The following KCNK3 variants were observed in gnomAD, a reference collection of about 807,000 sequenced individuals.
The protein encoded by KCNK3 is potassium channel subfamily K member 3.
Under a neutral mutation model 27.3 loss-of-function variants are expected in KCNK3, and 9 were observed. That is an observed-to-expected ratio of 0.33 (90% CI 0.20 to 0.57). The LOEUF (loss-of-function observed/expected upper bound fraction) is 0.57, where lower values mean the gene tolerates loss of function less well. KCNK3 is among the 20% of genes least tolerant of loss of function. KCNK3 has a pLI of 0.87. For synonymous variants in KCNK3, 278 were observed against 273.8 expected, an observed-to-expected ratio of 1.02 and a Z score of -0.15; for missense variants, 391 against 577.7, an observed-to-expected ratio of 0.68 and a Z score of 3.31.
intron 1 of KCNK3, among the ~76,000 whole-genome samples, chr2:26,710,443 C>A (rs1363859847): frequency 6.6e-6 from 1 of 152,160 alleles, no homozygotes; most frequent in African/African-American, 2.4e-5. Flanking sequence ...GAGTGGTAGC[C>A]AGCAACACCC....
intron 1 of KCNK3, among the ~76,000 whole-genome samples, chr2:26,705,895 G>T (rs1052627385): frequency 6.6e-6 from 1 of 152,118 alleles, no homozygotes; most frequent in Non-Finnish European, 1.5e-5. Flanking sequence ...CAGGTCAGAC[G>T]GCCCTTGTGT....
chr2:26,728,682 C>A lies in KCNK3; in HGVS notation c.*114C>A, dbSNP rs1410387845. 3.4e-6 allele frequency: 3 copies of A among 871,512 alleles called. No homozygotes were observed. The highest frequency in any genetic ancestry group is 3.0e-5 in the South Asian group (1 of 33,742). 54.0% of individuals were successfully genotyped at this position (871,512 alleles called of 1,614,324 possible). Reference sequence around the variant, plus strand: ...GTGGGACCCCGCACAACATCCCTCACCACTCTCCCCCAGCACCCCCATCTC... The same window carrying A: ...GTGGGACCCCGCACAACATCCCTCAACACTCTCCCCCAGCACCCCCATCTC... On this transcript the variant is annotated 3_prime_UTR_variant, in exon 2 of 2. Transcript: ENST00000302909.
chr2:26,711,530 G>A (rs970637148), intron 1 of KCNK3, among the ~76,000 whole-genome samples: 6 of 152,144 alleles, frequency 3.9e-5, no homozygotes, highest in Non-Finnish European at 8.8e-5. Flanking sequence ...GCTGCCTGGA[G>A]TGAAGGGAGG....
intron 1 of KCNK3, among the ~76,000 whole-genome samples, chr2:26,719,677 T>G (rs1210539388): frequency 6.6e-6 from 1 of 152,156 alleles, no homozygotes; most frequent in Non-Finnish European, 1.5e-5. Flanking sequence ...AGATGGAAAG[T>G]GTTTTGAGGT....
intron 1 of KCNK3, among the ~76,000 whole-genome samples, chr2:26,723,820 T>C (rs1049536774): frequency 1.3e-5 from 2 of 152,082 alleles, no homozygotes; most frequent in Non-Finnish European, 2.9e-5. Context: ...GTCCTGGTAG[T>C]TTTCTGAGAG....
intron 1 of KCNK3, among the ~76,000 whole-genome samples, chr2:26,702,461 G>A (rs1670320080): frequency 6.6e-6 from 1 of 152,188 alleles, no homozygotes; most frequent in South Asian, 2.1e-4. Context: ...TATCTGCTGG[G>A]CTATTGTGAG....
At chr2:26,722,684 A>G (rs957290088) in intron 1 of KCNK3, among the ~76,000 whole-genome samples, 5 of 152,240 alleles carry the variant, frequency 3.3e-5, no homozygotes, top group African/African-American at 1.2e-4. Flanking sequence ...AGACTTTCTG[A>G]CTGGCAGATG....
chr2:26,720,840 G>A (rs1286944849), intron 1 of KCNK3, among the ~76,000 whole-genome samples: 5 of 152,152 alleles, frequency 3.3e-5, no homozygotes, highest in Admixed American at 3.3e-4. Flanking sequence ...GCTCTGGCCT[G>A]AAGAGGGACA....
At position 26,732,366 on chromosome 2, in the gene KCNK3, C is replaced by G. The variant is rs1663556399; in HGVS notation, c.*3798C>G. On this transcript the variant is annotated 3_prime_UTR_variant, in exon 2 of 2. Coordinates refer to ENST00000302909, the MANE Select transcript of KCNK3 (RefSeq NM_002246.3). ...GTCACGATCCACTAAATTGATGTCTCTACCTGCTAATGGTTTAATACCTGC... is the reference window on the plus strand; with the variant it reads ...GTCACGATCCACTAAATTGATGTCTGTACCTGCTAATGGTTTAATACCTGC... 6.6e-6 allele frequency: 1 copy of G among 152,246 alleles called. No homozygotes were observed. Among genetic ancestry groups the G allele is most frequent in the African/African-American group, 2.4e-5 (1 of 41,460 alleles). The allele number at this position is 152,246 out of a possible 1,614,324, so 9.4% of individuals were successfully genotyped here.
At chr2:26,700,805 TCTCA>T (rs906745337) in intron 1 of KCNK3, among the ~76,000 whole-genome samples, 32 of 152,292 alleles carry the variant, frequency 2.1e-4, no homozygotes, top group Non-Finnish European at 4.4e-4. Flanking sequence ...TCTCTCTCTC[TCTCA>T]CTCTGTCTGT....
chr2:26,700,622 G>T (rs991935905), intron 1 of KCNK3, among the ~76,000 whole-genome samples: 1 of 152,230 alleles, frequency 6.6e-6, no homozygotes, highest in South Asian at 2.1e-4. Context: ...AAGGGGCCAT[G>T]TGGCTGCCAG....
At position 26,732,751 on chromosome 2, in the gene KCNK3, A is replaced by T. The variant is rs1663563871; in HGVS notation, c.*4183A>T. 6.6e-6 allele frequency: 1 copy of T among 152,336 alleles called. No homozygotes were observed. Among genetic ancestry groups the T allele is most frequent in the Admixed American group, 6.5e-5 (1 of 15,290 alleles). 9.4% of individuals were successfully genotyped at this position (152,336 alleles called of 1,614,324 possible). On this transcript the variant is annotated 3_prime_UTR_variant, in exon 2 of 2. Transcript: ENST00000302909. ...TAAAACAGCTAAATGCAACAATAGC[A>T]GAAATTAGCTTGTTTTTGAGGTTGG... is the stretch of plus-strand genomic sequence containing the variant.
chr2:26,696,289 G>A (rs1006208196), intron 1 of KCNK3, among the ~76,000 whole-genome samples: 4 of 152,242 alleles, frequency 2.6e-5, no homozygotes, highest in Non-Finnish European at 5.9e-5. Flanking sequence ...TGAAGGCTCA[G>A]GGAAGGGAAG....
At chr2:26,699,966 T>C (rs1270770542) in intron 1 of KCNK3, among the ~76,000 whole-genome samples, 1 of 152,212 alleles carries the variant, frequency 6.6e-6, no homozygotes, top group Non-Finnish European at 1.5e-5. Flanking sequence ...CCATGGAGCC[T>C]CTGCGACTCC....
intron 1 of KCNK3, among the ~76,000 whole-genome samples, chr2:26,719,054 A>G (rs2148266273): frequency 6.6e-6 from 1 of 152,344 alleles, no homozygotes; most frequent in African/African-American, 2.4e-5. Flanking sequence ...ACAATATTCC[A>G]CCACATAAAT....
chr2:26,716,314 T>G (rs575235793), intron 1 of KCNK3, among the ~76,000 whole-genome samples: 2 of 152,154 alleles, frequency 1.3e-5, no homozygotes, highest in African/African-American at 4.8e-5. Flanking sequence ...AACAATAGAA[T>G]GTATAGAGAT....
At chr2:26,719,008 C>G (rs1450134797) in intron 1 of KCNK3, among the ~76,000 whole-genome samples, 1 of 152,180 alleles carries the variant, frequency 6.6e-6, no homozygotes, top group Non-Finnish European at 1.5e-5. Flanking sequence ...TCTATGTAAT[C>G]AAGAGACTGT....
chr2:26,725,670 C>T (rs905257902), intron 1 of KCNK3, among the ~76,000 whole-genome samples: 1 of 152,220 alleles, frequency 6.6e-6, no homozygotes, highest in Non-Finnish European at 1.5e-5. Flanking sequence ...GTCCTAAGCA[C>T]AGTGGCTCTA....
intron 1 of KCNK3, among the ~76,000 whole-genome samples, chr2:26,704,852 C>T (rs1015447095): frequency 6.6e-6 from 1 of 152,278 alleles, no homozygotes; most frequent in African/African-American, 2.4e-5. Context: ...GCCTCTGTTA[C>T]CACAGTCATG....
Sources: allele counts gnomAD v4.1 joint callset (sites outside exome capture counted in the v4.1 genomes callset), GRCh38; gene constraint gnomAD v4.1.1; transcripts MANE v1.5; gene names NCBI Gene and HGNC (gene_info 2026-07-23, HGNC 2026-07-21).